The following ABCA3 variants were observed in gnomAD, a reference collection of about 807,000 sequenced individuals.
ABCA3 encodes phospholipid-transporting ATPase ABCA3.
Under a neutral mutation model 172.8 loss-of-function variants are expected in ABCA3, and 88 were observed. The ratio of observed to expected loss-of-function variants is 0.51; its 90% CI spans 0.43 to 0.61. The LOEUF is 0.61. Among genes scored for constraint, ABCA3 ranks in the 20% least tolerant of loss-of-function variants. The pLI, the probability that ABCA3 is intolerant of heterozygous loss-of-function variation, is 0.00. For synonymous variants in ABCA3, 1,066 were observed against 983.8 expected, an observed-to-expected ratio of 1.08 and a Z score of -1.56; for missense variants, 2,164 against 2,301.0, an observed-to-expected ratio of 0.94 and a Z score of 1.22.
rs866773314 is a variant in ABCA3 at position 2,289,423 on chromosome 16, T to G, written c.2700+11A>C. ...TTCCCCCGCCACCCGCCCACCCACC[T>G]GGGCACTCACCCCAGTGTTGAGCTT... On this transcript the variant is annotated intron_variant, in intron 20 of 32. Coordinates refer to ENST00000301732, the MANE Select transcript of ABCA3 (RefSeq NM_001089.3). 1.1e-5 allele frequency: 12 copies of G among 1,058,980 alleles called. No homozygotes were observed. Among genetic ancestry groups the G allele is most frequent in the African/African-American group, 1.6e-5 (1 of 62,326 alleles). 65.6% of individuals were successfully genotyped at this position (1,058,980 alleles called of 1,614,324 possible). A position where few individuals can be genotyped will look rare whatever the true frequency, so the allele number is the denominator to read the frequency against.
rs769824378 is a variant in ABCA3 at position 2,281,246 on chromosome 16, G to A, written c.4165-25C>T. 3.0e-5 allele frequency: 48 copies of A among 1,613,144 alleles called. No homozygotes were observed. Among genetic ancestry groups the A allele is most frequent in the Non-Finnish European group, 3.7e-5 (44 of 1,179,936 alleles). The stretch of plus-strand genomic sequence containing the variant: ...CCTGCAGGCACCCAACAGAAAACAC[G>A]GAATGCGGAGGCCTGGACGCAAAGC... On this transcript the variant is annotated intron_variant, in intron 27 of 32. Coordinates refer to ENST00000301732, the MANE Select transcript of ABCA3 (RefSeq NM_001089.3). The surrounding 1 kb of genome is among the most constrained non-coding windows in gnomAD (Gnocchi z 4.7).
intron 26 of ABCA3, among the ~76,000 whole-genome samples, chr16:2,282,109 T>G (rs1377054576): frequency 6.6e-6 from 1 of 151,982 alleles, no homozygotes; most frequent in Non-Finnish European, 1.5e-5. Context: ...GATTTTTGTT[T>G]TCAGATTTAG....
chr16:2,281,806 A>AT lies in ABCA3; in HGVS notation c.4036-298dup, dbSNP rs765812169. ...GAATATAAAATAAGATTTTTAGACA[A>AT]TTTTTTTTTTTTTTTTGAGACAGAG... is the stretch of plus-strand genomic sequence containing the variant. On this transcript the variant is annotated intron_variant, in intron 26 of 32. Transcript: ENST00000301732. The surrounding 1 kb of genome is among the most constrained non-coding windows in gnomAD (Gnocchi z 4.7). 5.7e-3 allele frequency among the ~76,000 whole-genome samples: 822 copies of AT among 143,548 alleles called. 2 individuals carry two copies. Among genetic ancestry groups the AT allele is most frequent in the East Asian group, 0.02 (97 of 4,968 alleles). The allele number at this position is 143,548 out of a possible 152,430, so 94.2% of individuals were successfully genotyped here. A position where few individuals can be genotyped will look rare whatever the true frequency, so the allele number is the denominator to read the frequency against.
chr16:2,297,759 G>A lies in ABCA3; in HGVS notation c.2052+7C>T, dbSNP rs376583358. The A allele has an allele frequency of 1.9e-4, 308 of 1,610,174 alleles. 1 individual carries two copies. Among genetic ancestry groups the A allele is most frequent in the Non-Finnish European group, 2.4e-4 (287 of 1,180,012 alleles). On this transcript the variant is annotated splice_region_variant and intron_variant, in intron 16 of 32. Transcript: ENST00000301732. This position sits in a 1 kb window ranked among gnomAD's most constrained non-coding sequence, Gnocchi z 5.6. ...GGAACCCACTGCCTCCAGTCCCACCGCCACACCTTGGAGCCTGCGATGAGG... is the reference window on the plus strand; with the variant it reads ...GGAACCCACTGCCTCCAGTCCCACCACCACACCTTGGAGCCTGCGATGAGG...
Position 2,323,528 on chromosome 16 carries a change from T to C in ABCA3, c.608A>G (p.Glu203Gly), listed in dbSNP as rs374308831. The change falls in exon 7 of 33, where the codon GAA becomes GGA. Residue 203 changes from glutamate (E) to glycine (G), a missense_variant. By Grantham distance (98) the Glu-to-Gly change is moderately conservative. Transcript: ENST00000301732. ...ACCCTAACCGAGCTTCTCACCAGGT[T>C]CTCCGCCATCAGGGGATGTAGGTTC... The part of the protein sequence containing the change: ...PREPTSPDGG[E>G]PGYIREGFLA... 4 of 1,613,928 alleles carry C rather than the reference T, an allele frequency of 2.5e-6. No individual in the cohort carries two copies. Among genetic ancestry groups the C allele is most frequent in the Non-Finnish European group, 3.4e-6 (4 of 1,179,990 alleles).
At chr16:2,306,325 C>CA (rs1246230190) in intron 11 of ABCA3, among the ~76,000 whole-genome samples, 2 of 150,576 alleles carry the variant, frequency 1.3e-5, no homozygotes, top group Non-Finnish European at 3.0e-5. Context: ...ACCCTATCTC[C>CA]AAAAAAAAAT....
rs144137590 is a variant in ABCA3, at chr16:2,285,078, T to C, written c.3484-80A>G. The C allele has an allele frequency of 1.0e-3, 1,459 of 1,463,342 alleles. 26 individuals carry two copies. In the East Asian group the frequency reaches 0.024, roughly 24 times the overall value. The allele number at this position is 1,463,342 out of a possible 1,614,324, so 90.6% of individuals were successfully genotyped here. On this transcript the variant is annotated intron_variant, in intron 23 of 32. Transcript: ENST00000301732. The surrounding 1 kb of genome is among the most constrained non-coding windows in gnomAD (Gnocchi z 4.7). ...GGTAGGGAAGGGGTGAGAGGAGCAT[T>C]TGGAGGTCCTCAGACCCCTCCCGGT...
In ABCA3 at chr16:2,317,508, G is replaced by T. The variant is rs323066; in HGVS notation, c.991-105C>A. ...GGGACGCGGCTCCACCGAGAGGAGT[G>T]GGACATTGACAGCTCCTCTCCCCCA... On this transcript the variant is annotated intron_variant, in intron 9 of 32. Coordinates refer to ENST00000301732, the MANE Select transcript of ABCA3 (RefSeq NM_001089.3). 0.15 allele frequency: 241,009 copies of T among 1,584,850 alleles called. 19,744 individuals are homozygous for T. Among genetic ancestry groups the T allele is most frequent in the Middle Eastern group, 0.18 (1,089 of 5,978 alleles).
chr16:2,332,616 C>G, intron 1 of ABCA3: 1 of 1,585,190 alleles, frequency 6.3e-7, no homozygotes. Flanking sequence ...TGTACTGTAG[C>G]GTGGGCGGCT....
chr16:2,319,079 A>T (rs972123241), intron 8 of ABCA3, among the ~76,000 whole-genome samples: 10 of 152,032 alleles, frequency 6.6e-5, no homozygotes, highest in Admixed American at 4.6e-4. Flanking sequence ...ATGAGCCCCT[A>T]GCCAGGTGTT....
rs1280597313 is a variant in ABCA3 at position 2,286,154 on chromosome 16, A to G, written c.3279-508T>C. ...TGTGGGTGGAGACGACACTGCCCTG[A>G]GGAGGAGTGGCTATTCTGAAATTAA... is the stretch of plus-strand genomic sequence containing the variant. On this transcript the variant is annotated intron_variant, in intron 22 of 32. Transcript: ENST00000301732. The surrounding 1 kb of genome is among the most constrained non-coding windows in gnomAD (Gnocchi z 5.2). 2.0e-5 allele frequency among the ~76,000 whole-genome samples: 3 copies of G among 152,176 alleles called. No homozygotes were observed. The highest frequency in any genetic ancestry group is 7.2e-5 in the African/African-American group (3 of 41,446).
Position 2,297,998 on chromosome 16 carries a change from A to G in ABCA3, c.1897-77T>C, listed in dbSNP as rs1054979313. The G allele has an allele frequency of 4.9e-6, 7 of 1,424,968 alleles. No homozygotes were observed. Among genetic ancestry groups the G allele is most frequent in the Non-Finnish European group, 5.9e-6 (6 of 1,016,294 alleles). 88.3% of individuals were successfully genotyped at this position (1,424,968 alleles called of 1,614,324 possible). On this transcript the variant is annotated intron_variant, in intron 15 of 32. Transcript: ENST00000301732. This position sits in a 1 kb window ranked among gnomAD's most constrained non-coding sequence, Gnocchi z 5.6. Reference sequence around the variant, plus strand: ...CCCTGGCCAGCGAGGTTCTGGTGAGAGGAACCTCTCCTTGACGTAGCTGGG... The same window carrying G: ...CCCTGGCCAGCGAGGTTCTGGTGAGGGGAACCTCTCCTTGACGTAGCTGGG...
At chr16:2,326,706 G>A (rs2093734997) in intron 3 of ABCA3, among the ~76,000 whole-genome samples, 1 of 152,166 alleles carries the variant, frequency 6.6e-6, no homozygotes, top group African/African-American at 2.4e-5. Context: ...TAGTCTTTTT[G>A]GCCAGGTGCA....
intron 10 of ABCA3, among the ~76,000 whole-genome samples, chr16:2,309,433 T>C (rs972405631): frequency 6.6e-6 from 1 of 152,054 alleles, no homozygotes; most frequent in Non-Finnish European, 1.5e-5. Context: ...GTGTGCTGGA[T>C]GGAGACACAT....
chr16:2,306,416 A>T (rs1432556083), intron 11 of ABCA3, among the ~76,000 whole-genome samples: 3 of 152,260 alleles, frequency 2.0e-5, no homozygotes, highest in Non-Finnish European at 4.4e-5. Context: ...TGTAAAAGCT[A>T]AAGTGTCAGA....
Position 2,287,859 on chromosome 16 carries a change from T to G in ABCA3, c.3004+167A>C, listed in dbSNP as rs943039916. On this transcript the variant is annotated intron_variant, in intron 21 of 32. Coordinates refer to ENST00000301732, the MANE Select transcript of ABCA3 (RefSeq NM_001089.3). The surrounding 1 kb of genome is among the most constrained non-coding windows in gnomAD (Gnocchi z 4.1). ...TGTTTCCAGGCATGTTTGATGGTCA[T>G]GATGGGGTGGGGCAAGGTCAGGGAT... is the stretch of plus-strand genomic sequence containing the variant. Among the ~76,000 whole-genome samples the G allele has an allele frequency of 1.3e-5, 2 of 152,160 alleles. No individual in the cohort carries two copies. Among genetic ancestry groups the G allele is most frequent in the African/African-American group, 2.4e-5 (1 of 41,426 alleles).
rs143393181 is a variant in ABCA3, at chr16:2,320,138, G to A, written c.614-298C>T. On this transcript the variant is annotated intron_variant, in intron 7 of 32. Transcript: ENST00000301732. ...TTTTGAGACGGAATCTCACTCTGTC[G>A]CCCAGGCTGGAGTGCAGTGGCGCGA... Among the ~76,000 whole-genome samples, 1,191 of 150,198 alleles carry A rather than the reference G, an allele frequency of 7.9e-3. 7 individuals are homozygous for A. Among genetic ancestry groups the A allele is most frequent in the Non-Finnish European group, 0.013 (884 of 67,674 alleles).
At position 2,285,263 on chromosome 16, in the gene ABCA3, G is replaced by A. The variant is rs1182369077; in HGVS notation, c.3483+179C>T. 6.6e-6 allele frequency among the ~76,000 whole-genome samples: 1 copy of A among 152,198 alleles called. No individual in the cohort carries two copies. Among genetic ancestry groups the A allele is most frequent in the Non-Finnish European group, 1.5e-5 (1 of 68,012 alleles). ...TGCTGCCCATGCATGGAGGGTAAAG[G>A]CTGAGGGTGCAGGGAGGAGGCGAGG... is the stretch of plus-strand genomic sequence containing the variant. On this transcript the variant is annotated intron_variant, in intron 23 of 32. Coordinates refer to ENST00000301732, the MANE Select transcript of ABCA3 (RefSeq NM_001089.3). The surrounding 1 kb of genome is among the most constrained non-coding windows in gnomAD (Gnocchi z 4.7).
chr16:2,303,939 G>C, intron 12 of ABCA3, 30 bp downstream of exon 12: 1 of 1,613,524 alleles, frequency 6.2e-7, no homozygotes, highest in Non-Finnish European at 8.5e-7. Flanking sequence ...CAGAGAGGCG[G>C]CGGCTCAAGA....
Sources: allele counts gnomAD v4.1 joint callset (sites outside exome capture counted in the v4.1 genomes callset), GRCh38; gene constraint gnomAD v4.1.1; non-coding constraint Gnocchi (gnomAD v3.1); transcripts MANE v1.5; gene names NCBI Gene and HGNC (gene_info 2026-07-23, HGNC 2026-07-21).